Variants in UBR1 observed in about 807,000 individuals in gnomAD.
The protein encoded by UBR1 is E3 ubiquitin-protein ligase UBR1.
Under a neutral mutation model 242.1 loss-of-function variants are expected in UBR1, and 102 were observed. The ratio of observed to expected loss-of-function variants is 0.42; its 90% confidence interval spans 0.36 to 0.50. The LOEUF (loss-of-function observed/expected upper bound fraction) is 0.50. Ranked by LOEUF, UBR1 falls within the 20% of genes least tolerant of loss-of-function variation. The pLI is 0.01. For missense variants in UBR1, 1,772 were observed against 2,101.8 expected (o/e 0.84, Z 3.07); for synonymous variants, 675 against 684.8 (o/e 0.99, Z 0.22).
chr15:42,979,357 C>T (rs1026805666), intron 37 of UBR1, among the ~76,000 whole-genome samples: 1 of 151,774 alleles, frequency 6.6e-6, no homozygotes, highest in Non-Finnish European at 1.5e-5. Context: ...AGATCAATTT[C>T]TTAACCTCAA....
chr15:43,058,192 G>A (rs1596123330), intron 10 of UBR1, 149 bp downstream of exon 10: 1 of 617,668 alleles, frequency 1.6e-6, no homozygotes, highest in Non-Finnish European at 2.8e-6. Context: ...TTACAGGCGT[G>A]AGCCAACCCG....
At chr15:43,014,636 C>A (rs1156351757) in intron 29 of UBR1, among the ~76,000 whole-genome samples, 1 of 150,738 alleles carries the variant, frequency 6.6e-6, no homozygotes, top group Non-Finnish European at 1.5e-5. Context: ...GGAGACCCTC[C>A]GCCTGGCAGC....
chr15:43,092,462 A>G (rs1382099559), intron 1 of UBR1, among the ~76,000 whole-genome samples: 2 of 152,234 alleles, frequency 1.3e-5, no homozygotes, highest in Admixed American at 6.5e-5. Flanking sequence ...AGTACACAAT[A>G]AAAGTTATCA....
At chr15:42,988,103 C>T (rs1596087208) in intron 35 of UBR1, among the ~76,000 whole-genome samples, 1 of 152,140 alleles carries the variant, frequency 6.6e-6, no homozygotes, top group African/African-American at 2.4e-5. Flanking sequence ...CTTCCTTTCC[C>T]CTTTCCGTTA....
At chr15:42,987,575 G>T (rs779137460) in intron 35 of UBR1, among the ~76,000 whole-genome samples, 5 of 151,932 alleles carry the variant, frequency 3.3e-5, no homozygotes, top group Non-Finnish European at 5.9e-5. Context: ...TTGGCTGGGC[G>T]TGGTGGCGTG....
At chr15:43,069,122 G>A (rs369278690) in intron 5 of UBR1, among the ~76,000 whole-genome samples, 18 of 152,234 alleles carry the variant, frequency 1.2e-4, no homozygotes, top group African/African-American at 4.3e-4. Context: ...TGCCATTTTG[G>A]CAACAGGACC....
rs765893686 is a variant in UBR1 at position 43,048,453 on chromosome 15, C to A, written c.1478G>T (p.Arg493Ile). The change falls in exon 13 of 47, where the codon AGA becomes ATA. Residue 493 changes from arginine to isoleucine, a missense_variant. Coordinates refer to ENST00000290650, the MANE Select transcript of UBR1 (RefSeq NM_174916.3). ...ACCTTCAAGGAACTGCATTCTTAAT[C>A]TTTCTGTCCATATTGTGGGTTTGCT... ...LISKPTIWTE[R>I]LRMQFLEGFR... The A allele has an allele frequency of 6.2e-7, 1 of 1,613,734 alleles. No individual in the cohort carries two copies. The highest frequency in any genetic ancestry group is 1.1e-5 in the South Asian group (1 of 91,064).
At position 43,076,446 on chromosome 15, in the gene UBR1, T is replaced by C. The variant is rs1334945447; in HGVS notation, c.418-1357A>G. ...GCGTCTCTGCCCGGCCGCCATCCCA[T>C]CTAGGAAGCGAGGAGCGCCTCTTCC... On this transcript the variant is annotated intron_variant, in intron 3 of 46. Coordinates refer to ENST00000290650, the MANE Select transcript of UBR1 (RefSeq NM_174916.3). Among the ~76,000 whole-genome samples, 14 of 147,878 alleles carry C rather than the reference T, an allele frequency of 9.5e-5. No homozygotes were observed. In the East Asian group the frequency reaches 2.2e-3, roughly 24 times the overall value.
At chr15:43,098,425 G>A (rs926440860) in intron 1 of UBR1, among the ~76,000 whole-genome samples, 5 of 152,158 alleles carry the variant, frequency 3.3e-5, no homozygotes, top group African/African-American at 9.7e-5. Flanking sequence ...TTGAGACAGG[G>A]TTGCCATAGA....
At chr15:43,080,989 C>T (rs1041695231) in intron 3 of UBR1, among the ~76,000 whole-genome samples, 1 of 151,948 alleles carries the variant, frequency 6.6e-6, no homozygotes, top group Non-Finnish European at 1.5e-5. Context: ...TTTGTATGGA[C>T]ATAAGTTTTC....
At position 43,082,139 on chromosome 15, in the gene UBR1, A is replaced by G. The variant is rs570012744; in HGVS notation, c.417+499T>C. Among the ~76,000 whole-genome samples, 11 of 152,240 alleles carry G rather than the reference A, an allele frequency of 7.2e-5. No homozygotes were observed. In the East Asian group the frequency reaches 1.4e-3, roughly 19 times the overall value. ...ATAGTTGCAGAAATACACTCTTTTTATAGCTCATTTTTCTCATTTAACAAC... is the reference window on the plus strand; with the variant it reads ...ATAGTTGCAGAAATACACTCTTTTTGTAGCTCATTTTTCTCATTTAACAAC... On this transcript the variant is annotated intron_variant, in intron 3 of 46. Coordinates refer to ENST00000290650, the MANE Select transcript of UBR1 (RefSeq NM_174916.3).
In UBR1 at chr15:43,054,802, T is replaced by A. The variant is rs779007025; in HGVS notation, c.1379A>T (p.Asn460Ile). ...TTTGTCCTGGCTATAACCCTGGAAG[T>A]TGAATTTATTGTTCCTGTCCAAGTA... ...PEYLDRNNKF[N>I]FQGYSQDKLG... The change falls in exon 12 of 47, where the codon AAC becomes ATC. Residue 460 changes from asparagine to isoleucine, a missense_variant. Physicochemically the swap from Asn to Ile is moderately radical, Grantham distance 149. Coordinates refer to ENST00000290650, the MANE Select transcript of UBR1 (RefSeq NM_174916.3). The A allele has an allele frequency of 1.9e-6, 3 of 1,614,176 alleles. No homozygotes were observed. The highest frequency in any genetic ancestry group is 3.3e-5 in the Admixed American group (2 of 60,036).
chr15:43,011,797 G>T, intron 29 of UBR1: 1 of 354,596 alleles, frequency 2.8e-6, no homozygotes. Context: ...TCCACAAGGA[G>T]ACACATACAA....
Position 43,022,931 on chromosome 15 carries a change from T to C in UBR1, c.2740-130A>G. 3 of 564,362 alleles carry C rather than the reference T, an allele frequency of 5.3e-6. No homozygotes were observed. The South Asian group carries it at 5.8e-5, about 11-fold the overall frequency. The allele number at this position is 564,362 out of a possible 1,614,324, so 35.0% of individuals were successfully genotyped here. A position where few individuals can be genotyped will look rare whatever the true frequency, so the allele number is the denominator to read the frequency against. On this transcript the variant is annotated intron_variant, in intron 25 of 46. Transcript: ENST00000290650. Reference sequence around the variant, plus strand: ...AGGTTGGAGTGCAGTGGGGCAATCCTAGCTTACTGCAGCCTTAAGCTCTTG... The same window carrying C: ...AGGTTGGAGTGCAGTGGGGCAATCCCAGCTTACTGCAGCCTTAAGCTCTTG...
At chr15:42,971,678 C>T (rs997279988) in intron 39 of UBR1, among the ~76,000 whole-genome samples, 5 of 152,082 alleles carry the variant, frequency 3.3e-5, no homozygotes, top group African/African-American at 1.2e-4. Flanking sequence ...AAAAATGCAT[C>T]ATGAATTCAT....
At chr15:42,947,798 T>G (rs1191538467) in intron 46 of UBR1, among the ~76,000 whole-genome samples, 2 of 152,152 alleles carry the variant, frequency 1.3e-5, no homozygotes, top group East Asian at 3.9e-4. Flanking sequence ...TACAAACAAA[T>G]GGAAGAACAT....
At chr15:42,953,593 T>A (rs1313623326) in intron 44 of UBR1, among the ~76,000 whole-genome samples, 1 of 152,194 alleles carries the variant, frequency 6.6e-6, no homozygotes, top group Non-Finnish European at 1.5e-5. Flanking sequence ...AGCCAACATC[T>A]TCTTTCATCT....
chr15:43,014,940 C>T (rs1445245002), intron 29 of UBR1, among the ~76,000 whole-genome samples: 2 of 150,846 alleles, frequency 1.3e-5, no homozygotes, highest in African/African-American at 4.9e-5. Context: ...GGGTCAGCCC[C>T]CGCCCGGCCA....
intron 27 of UBR1, 107 bp downstream of exon 27, chr15:43,021,168 A>G: frequency 1.2e-6 from 1 of 802,078 alleles, no homozygotes; most frequent in Non-Finnish European, 2.1e-6. Context: ...TGATTATGAA[A>G]ACCAGTAGTA....
Sources: allele counts gnomAD v4.1 joint callset (sites outside exome capture counted in the v4.1 genomes callset), GRCh38; gene constraint gnomAD v4.1.1; transcripts MANE v1.5; gene names NCBI Gene and HGNC (gene_info 2026-07-23, HGNC 2026-07-21).